SRGAP1: variants seen among roughly 807,000 people sequenced by gnomAD.
The protein encoded by SRGAP1 is SLIT-ROBO Rho GTPase activating protein 1.
In SRGAP1, 43 loss-of-function variants were observed where a neutral mutation model predicts 121.9. The ratio of observed to expected loss-of-function variants is 0.35; its 90% CI spans 0.28 to 0.46. The LOEUF (loss-of-function observed/expected upper bound fraction) is 0.46. Among genes scored for constraint, SRGAP1 ranks in the 20% least tolerant of loss-of-function variants. SRGAP1 has a pLI of 1.00. For synonymous variants in SRGAP1, 447 were observed against 485.4 expected, an observed-to-expected ratio of 0.92 and a Z score of 1.04; for missense variants, 1,102 against 1,350.9, an observed-to-expected ratio of 0.82 and a Z score of 2.89.
intron 10 of SRGAP1, among the ~76,000 whole-genome samples, chr12:64,086,278 C>T (rs997411350): frequency 2.0e-5 from 3 of 152,180 alleles, no homozygotes; most frequent in African/African-American, 4.8e-5. Context: ...ACAAAGCAAC[C>T]GATAAACACA....
chr12:63,937,003 A>G (rs993521612), intron 1 of SRGAP1, among the ~76,000 whole-genome samples: 1 of 152,184 alleles, frequency 6.6e-6, no homozygotes, highest in African/African-American at 2.4e-5. Flanking sequence ...TACTTAATTC[A>G]TCAGTTCTGG....
chr12:63,960,520 C>G (rs1207592139), intron 1 of SRGAP1, among the ~76,000 whole-genome samples: 3 of 152,124 alleles, frequency 2.0e-5, no homozygotes, highest in East Asian at 1.9e-4. Context: ...TTCTCTGGCT[C>G]TCTCTTGCTT....
chr12:64,030,508 A>C (rs779843998), intron 4 of SRGAP1, among the ~76,000 whole-genome samples: 3 of 152,224 alleles, frequency 2.0e-5, no homozygotes, highest in African/African-American at 7.2e-5. Context: ...ATCCTTTTTC[A>C]TTAGTTTTAT....
intron 12 of SRGAP1, chr12:64,091,820 T>A: frequency 1.6e-6 from 2 of 1,227,806 alleles, no homozygotes. Flanking sequence ...AAGACTATGA[T>A]CTATACCTTG....
At chr12:64,084,813 T>C (rs920299406) in intron 10 of SRGAP1, among the ~76,000 whole-genome samples, 12 of 152,132 alleles carry the variant, frequency 7.9e-5, no homozygotes, top group African/African-American at 2.7e-4. Flanking sequence ...TAAGGAATTC[T>C]CATTGGCATC....
intron 4 of SRGAP1, among the ~76,000 whole-genome samples, chr12:64,035,033 T>G (rs2034869436): frequency 7.1e-6 from 1 of 140,430 alleles, no homozygotes; most frequent in African/African-American, 2.7e-5. Flanking sequence ...TCAGCCCTGA[T>G]GCTGGGAACA....
chr12:63,977,355 G>A (rs117608605), intron 1 of SRGAP1, among the ~76,000 whole-genome samples: 5,085 of 152,222 alleles, frequency 0.033, 113 homozygotes, highest in Non-Finnish European at 0.05. Context: ...ATGAGAATGT[G>A]AAATAACAGA....
At chr12:63,964,333 T>C (rs1045702413) in intron 1 of SRGAP1, among the ~76,000 whole-genome samples, 2 of 152,254 alleles carry the variant, frequency 1.3e-5, no homozygotes, top group Non-Finnish European at 2.9e-5. Flanking sequence ...AGATATCTTA[T>C]ATTTGAATGA....
intron 1 of SRGAP1, among the ~76,000 whole-genome samples, chr12:63,961,204 C>T (rs1026774825): frequency 5.3e-5 from 8 of 152,140 alleles, no homozygotes; most frequent in Admixed American, 2.6e-4. Flanking sequence ...TGCTCCATAG[C>T]CACACGCAGC....
chr12:64,103,483 T>A (rs960943959), intron 15 of SRGAP1, among the ~76,000 whole-genome samples: 9 of 152,244 alleles, frequency 5.9e-5, no homozygotes, highest in African/African-American at 2.2e-4. Flanking sequence ...AGCTTCTTAG[T>A]ACCTAAATTT....
intron 10 of SRGAP1, among the ~76,000 whole-genome samples, chr12:64,083,327 A>G (rs1593111576): frequency 6.6e-6 from 1 of 152,230 alleles, no homozygotes; most frequent in South Asian, 2.1e-4. Context: ...TAGTAAAACA[A>G]ATAGAGCCTA....
At chr12:64,044,552 T>C (rs2136508537) in intron 6 of SRGAP1, among the ~76,000 whole-genome samples, 1 of 152,230 alleles carries the variant, frequency 6.6e-6, no homozygotes, top group South Asian at 2.1e-4. Context: ...TTCATTTTTC[T>C]GGTGAATTTA....
chr12:63,880,825 G>T (rs980436739), intron 1 of SRGAP1, among the ~76,000 whole-genome samples: 4 of 152,116 alleles, frequency 2.6e-5, no homozygotes, highest in Non-Finnish European at 5.9e-5. Context: ...TTCTCTTCTT[G>T]CCTCCCTGGC....
chr12:64,133,893 C>T (rs1039737138), intron 21 of SRGAP1, among the ~76,000 whole-genome samples: 2 of 152,084 alleles, frequency 1.3e-5, no homozygotes, highest in Admixed American at 6.6e-5. Context: ...GAGTTCTACA[C>T]GAGTCAGACT....
At chr12:64,099,955 A>G (rs2036227948) in intron 15 of SRGAP1, among the ~76,000 whole-genome samples, 1 of 152,202 alleles carries the variant, frequency 6.6e-6, no homozygotes, top group Admixed American at 6.5e-5. Flanking sequence ...CTAGGTTCAA[A>G]TCCTAGCTTT....
Sources: gnomAD v4.1 joint callset for allele counts (sites outside exome capture counted in the v4.1 genomes callset) on GRCh38, gnomAD v4.1.1 for gene constraint, MANE v1.5 for transcripts, NCBI Gene and HGNC (gene_info 2026-07-23, HGNC 2026-07-21) for gene names.